Variants in PTGS1 observed in about 807,000 individuals in gnomAD.
PTGS1 encodes prostaglandin-endoperoxide synthase 1, also known as prostaglandin G/H synthase 1.
A neutral mutation model predicts 63.0 loss-of-function variants in PTGS1; 40 were observed. That is an observed-to-expected ratio of 0.63 (90% CI 0.49 to 0.83). The LOEUF (loss-of-function observed/expected upper bound fraction) is 0.83, where lower values mean the gene tolerates loss of function less well. Ranked by LOEUF, PTGS1 falls within the 40% of genes least tolerant of loss-of-function variation. PTGS1 has a pLI of 0.00. For missense variants in PTGS1, 709 were observed against 786.5 expected (o/e 0.90, Z 1.18); for synonymous variants, 298 against 301.9 (o/e 0.99, Z 0.13).
At chr9:122,390,635 C>A (rs1328187496) in intron 10 of PTGS1, among the ~76,000 whole-genome samples, 6 of 152,082 alleles carry the variant, frequency 3.9e-5, no homozygotes, top group Non-Finnish European at 5.9e-5. Context: ...AGGTGGCTCG[C>A]GCCTGTAATC....
intron 9 of PTGS1, among the ~76,000 whole-genome samples, chr9:122,387,878 C>T (rs1588138613): frequency 6.6e-6 from 1 of 152,254 alleles, no homozygotes. Flanking sequence ...CCTCACAGTC[C>T]TCTGCTTCTC....
chr9:122,377,468 G>GC (rs926723513), intron 2 of PTGS1, among the ~76,000 whole-genome samples: 30 of 151,192 alleles, frequency 2.0e-4, no homozygotes, highest in East Asian at 5.9e-4. Flanking sequence ...TTTTCTGACC[G>GC]CCCCCCCACC....
At chr9:122,381,600 C>T (rs199667461) in intron 6 of PTGS1, 48 bp downstream of exon 6, 107 of 1,613,006 alleles carry the variant, frequency 6.6e-5, no homozygotes, top group Middle Eastern at 3.3e-4. Context: ...TAATTTGGCA[C>T]GCGTATGTCA....
At position 122,393,667 on chromosome 9, in the gene PTGS1, T is replaced by G. The variant is rs898775743; in HGVS notation, c.*1123T>G. The G allele has an allele frequency of 3.3e-5, 5 of 152,270 alleles. No individual in the cohort carries two copies. Among genetic ancestry groups the G allele is most frequent in the Non-Finnish European group, 4.4e-5 (3 of 68,070 alleles). The allele number at this position is 152,270 out of a possible 1,614,324, so 9.4% of individuals were successfully genotyped here. A position where few individuals can be genotyped will look rare whatever the true frequency, so the allele number is the denominator to read the frequency against. On this transcript the variant is annotated 3_prime_UTR_variant, in exon 11 of 11. Coordinates refer to ENST00000362012, the MANE Select transcript of PTGS1 (RefSeq NM_000962.4). ...CAATTTCACGCTTTTAATTCTCATTTGTTCTCACACCAACAGTGTGAAGTG... is the reference window on the plus strand; with the variant it reads ...CAATTTCACGCTTTTAATTCTCATTGGTTCTCACACCAACAGTGTGAAGTG...
Position 122,392,338 on chromosome 9 carries a change from G to A in PTGS1, c.1594G>A (p.Gly532Ser), listed in dbSNP as rs763949437. Residue 532 changes from glycine to serine, a missense_variant, in exon 11 of 11, where the codon GGT becomes AGT. By Grantham distance (56) the Gly-to-Ser change is moderately conservative. Transcript: ENST00000362012. ...GATTGGGGCTCCCTTTTCCCTCAAG[G>A]GTCTCCTAGGGAATCCCATCTGTTC... ...IEIGAPFSLK[G>S]LLGNPICSPE... 6.2e-7 allele frequency: 1 copy of A among 1,614,076 alleles called. No individual in the cohort carries two copies. Among genetic ancestry groups the A allele is most frequent in the Non-Finnish European group, 8.5e-7 (1 of 1,180,008 alleles).
chr9:122,388,147 C>T (rs138450941), intron 9 of PTGS1, among the ~76,000 whole-genome samples: 34 of 152,300 alleles, frequency 2.2e-4, no homozygotes, highest in Admixed American at 2.0e-3. Context: ...AAAGCCCCGG[C>T]GTCGTACCTG....
rs1486360489 is a variant in PTGS1 at position 122,393,106 on chromosome 9, T to G, written c.*562T>G. 6.5e-6 allele frequency: 1 copy of G among 154,666 alleles called. No individual in the cohort carries two copies. The highest frequency in any genetic ancestry group is 1.4e-5 in the Non-Finnish European group (1 of 69,534). The allele number at this position is 154,666 out of a possible 1,614,324, so 9.6% of individuals were successfully genotyped here. On this transcript the variant is annotated 3_prime_UTR_variant, in exon 11 of 11. Transcript: ENST00000362012. ...AACAAGAATGCATTCCCTGAATCTG[T>G]GCCTGCACTGAGAGGGCAAGGAAGT...
intron 9 of PTGS1, among the ~76,000 whole-genome samples, chr9:122,387,023 C>T (rs1837914257): frequency 6.6e-6 from 1 of 151,968 alleles, no homozygotes. Flanking sequence ...AGCATTAGGG[C>T]CCTTACTGCG....
chr9:122,378,059 T>G (rs1407068466), intron 3 of PTGS1, 44 bp downstream of exon 3: 1 of 1,553,326 alleles, frequency 6.4e-7, no homozygotes, highest in Non-Finnish European at 8.8e-7. Context: ...CTTGAGCCCT[T>G]CTGCTCCCCG....
At chr9:122,390,790 G>A (rs777393905) in intron 10 of PTGS1, among the ~76,000 whole-genome samples, 10 of 152,118 alleles carry the variant, frequency 6.6e-5, no homozygotes, top group Non-Finnish European at 1.3e-4. Context: ...CCAGCTACTC[G>A]GGAGGCTGAG....
chr9:122,387,583 G>C (rs890037282), intron 9 of PTGS1, among the ~76,000 whole-genome samples: 1 of 152,120 alleles, frequency 6.6e-6, no homozygotes, highest in African/African-American at 2.4e-5. Flanking sequence ...CAGAGGGAAG[G>C]CCACATGAAG....
chr9:122,379,317 G>A (rs958225734), intron 5 of PTGS1, among the ~76,000 whole-genome samples: 10 of 152,138 alleles, frequency 6.6e-5, no homozygotes, highest in Non-Finnish European at 1.5e-4. Flanking sequence ...GTACAAATAA[G>A]CCACATTTTT....
chr9:122,391,792 T>C (rs544146685), intron 10 of PTGS1, among the ~76,000 whole-genome samples: 3 of 152,170 alleles, frequency 2.0e-5, no homozygotes, highest in East Asian at 1.9e-4. Context: ...GCTCTAGTAG[T>C]AAAAGGGCTT....
chr9:122,375,938 C>G (rs1837120682), intron 2 of PTGS1, among the ~76,000 whole-genome samples: 1 of 152,096 alleles, frequency 6.6e-6, no homozygotes, highest in Admixed American at 6.5e-5. Context: ...GACCGTGAGT[C>G]CTAGCGGACC....
intron 2 of PTGS1, chr9:122,375,584 C>A: frequency 1.3e-6 from 1 of 764,238 alleles, no homozygotes; most frequent in Non-Finnish European, 1.6e-6. Flanking sequence ...TTAAGGGAAG[C>A]GGGGGTCCCT....
chr9:122,370,983 C>T, upstream of PTGS1: 2 of 1,427,080 alleles, frequency 1.4e-6, no homozygotes, highest in South Asian at 1.2e-5. Flanking sequence ...GGGGGTGGAG[C>T]CGGGGGAAGG....
intron 8 of PTGS1, among the ~76,000 whole-genome samples, chr9:122,384,139 C>G (rs1837719889): frequency 6.6e-6 from 1 of 152,142 alleles, no homozygotes; most frequent in Non-Finnish European, 1.5e-5. Flanking sequence ...CGTGCAGGGT[C>G]AAACTGTAAC....
chr9:122,383,158 A>G (rs1588131520), intron 7 of PTGS1, among the ~76,000 whole-genome samples: 1 of 148,832 alleles, frequency 6.7e-6, no homozygotes. Flanking sequence ...GTTTTAAGTC[A>G]GCTCATGATG....
At chr9:122,391,382 TATACATATATATATACATATATATATAC>T (rs1838250489) in intron 10 of PTGS1, among the ~76,000 whole-genome samples, 1 of 92,330 alleles carries the variant, frequency 1.1e-5, no homozygotes, top group Non-Finnish European at 1.8e-5. Context: ...CATATATATA[TATACATATATATATACATATATATATAC>T]ATATATATAT....
Sources: allele counts gnomAD v4.1 joint callset (sites outside exome capture counted in the v4.1 genomes callset), GRCh38; gene constraint gnomAD v4.1.1; transcripts MANE v1.5; gene names NCBI Gene and HGNC (gene_info 2026-07-23, HGNC 2026-07-21).